The following GALNT13 variants were observed in gnomAD, a reference collection of about 807,000 sequenced individuals.
GALNT13 encodes UDP-GalNAc:polypeptide N-acetylgalactosaminyltransferase 13.
A neutral mutation model predicts 64.2 loss-of-function variants in GALNT13; 28 were observed. The ratio of observed to expected loss-of-function variants is 0.44; its 90% CI spans 0.32 to 0.60. GALNT13 has a LOEUF of 0.60. Ranked by LOEUF, GALNT13 falls within the 20% of genes least tolerant of loss-of-function variation. GALNT13 has a pLI of 0.05. For synonymous variants in GALNT13, 214 were observed against 224.6 expected, an observed-to-expected ratio of 0.95 and a Z score of 0.42; for missense variants, 577 against 669.8, an observed-to-expected ratio of 0.86 and a Z score of 1.53.
chr2:154,132,552 A>T (rs1682679436), intron 3 of GALNT13, among the ~76,000 whole-genome samples: 1 of 152,042 alleles, frequency 6.6e-6, no homozygotes. Flanking sequence ...TTATAATGGG[A>T]TCCATGCACA....
chr2:153,500,918 T>C, the GALNT13 span, among the ~76,000 whole-genome samples: 2 of 152,160 alleles, frequency 1.3e-5, no homozygotes, highest in African/African-American at 4.8e-5. Flanking sequence ...GGAACATATA[T>C]TAATATTATT....
the GALNT13 span, among the ~76,000 whole-genome samples, chr2:153,220,678 C>G: frequency 1.3e-5 from 2 of 152,228 alleles, no homozygotes; most frequent in African/African-American, 4.8e-5. Flanking sequence ...GTGTACTTTC[C>G]TTTCTTTCAT....
intron 9 of GALNT13, among the ~76,000 whole-genome samples, chr2:154,311,457 G>A (rs1694035970): frequency 6.6e-6 from 1 of 152,088 alleles, no homozygotes; most frequent in Non-Finnish European, 1.5e-5. Flanking sequence ...AGGGGAGGGA[G>A]TATACGAATA....
the GALNT13 span, among the ~76,000 whole-genome samples, chr2:153,410,692 T>A: frequency 6.6e-6 from 1 of 152,024 alleles, no homozygotes. Flanking sequence ...ATGTAAAAAA[T>A]GTAATAATAA....
chr2:153,478,099 C>G, the GALNT13 span: 69 of 670,198 alleles, frequency 1.0e-4, no homozygotes, highest in East Asian at 2.1e-4. Flanking sequence ...CCGGTCGCTT[C>G]TTTCCGAAAG....
intron 3 of GALNT13, among the ~76,000 whole-genome samples, chr2:153,967,128 T>C (rs192621802): frequency 2.7e-4 from 41 of 152,312 alleles, no homozygotes; most frequent in Admixed American, 1.2e-3. Context: ...TCTGAATTCC[T>C]TCTCTGTGTT....
chr2:153,258,009 A>G, the GALNT13 span, among the ~76,000 whole-genome samples: 2 of 152,144 alleles, frequency 1.3e-5, no homozygotes, highest in African/African-American at 4.8e-5. Context: ...CAGGAGCCCC[A>G]AATTATCTTG....
the GALNT13 span, among the ~76,000 whole-genome samples, chr2:153,708,374 G>A: frequency 6.6e-6 from 1 of 152,134 alleles, no homozygotes; most frequent in Non-Finnish European, 1.5e-5. Flanking sequence ...GTTTATGACA[G>A]GGTGTAAAAT....
the GALNT13 span, among the ~76,000 whole-genome samples, chr2:153,150,423 T>A: frequency 6.6e-6 from 1 of 152,114 alleles, no homozygotes; most frequent in Non-Finnish European, 1.5e-5. Context: ...TTCTGTAGGT[T>A]GCCTGTTCAC....
chr2:154,386,705 G>C (rs192569471), intron 9 of GALNT13, among the ~76,000 whole-genome samples: 18 of 152,174 alleles, frequency 1.2e-4, no homozygotes, highest in African/African-American at 4.1e-4. Context: ...ATAGCCTGCA[G>C]ACTGTTCAGT....
chr2:153,328,215 G>A, the GALNT13 span, among the ~76,000 whole-genome samples: 1 of 152,166 alleles, frequency 6.6e-6, no homozygotes, highest in African/African-American at 2.4e-5. Flanking sequence ...CCAGCCAGAG[G>A]TCTCCTTTAT....
the GALNT13 span, among the ~76,000 whole-genome samples, chr2:153,328,494 G>A: frequency 6.6e-6 from 1 of 152,196 alleles, no homozygotes; most frequent in Non-Finnish European, 1.5e-5. Context: ...TTTCAGAGAT[G>A]CCCTGCCCAG....
the GALNT13 span, among the ~76,000 whole-genome samples, chr2:153,495,870 T>C: frequency 1.3e-5 from 2 of 152,208 alleles, no homozygotes; most frequent in African/African-American, 4.8e-5. Context: ...AGTAATGACC[T>C]TCCATTGAGG....
At chr2:153,243,711 T>C in the GALNT13 span, among the ~76,000 whole-genome samples, 1 of 151,496 alleles carries the variant, frequency 6.6e-6, no homozygotes, top group Non-Finnish European at 1.5e-5. Context: ...TTGTGAAGGG[T>C]TGATCTTGCA....
chr2:154,046,464 A>G (rs1019529067), intron 3 of GALNT13, among the ~76,000 whole-genome samples: 3 of 152,196 alleles, frequency 2.0e-5, no homozygotes, highest in Non-Finnish European at 2.9e-5. Context: ...TCATGTAGCT[A>G]TCTTACAGAT....
At chr2:153,476,630 T>C in the GALNT13 span, among the ~76,000 whole-genome samples, 1 of 152,158 alleles carries the variant, frequency 6.6e-6, no homozygotes, top group Non-Finnish European at 1.5e-5. Context: ...GTAATACTCA[T>C]CTCCCACATT....
the GALNT13 span, among the ~76,000 whole-genome samples, chr2:153,716,108 T>C: frequency 2.0e-5 from 3 of 152,190 alleles, no homozygotes; most frequent in African/African-American, 7.2e-5. Context: ...TCCTTTGAGC[T>C]GATTATTTTC....
At chr2:154,441,576 G>T (rs192751033) in intron 12 of GALNT13, 1 of 152,210 alleles carries the variant, frequency 6.6e-6, no homozygotes, top group Admixed American at 6.6e-5. Flanking sequence ...GCAGAGCTAG[G>T]ATTCAGGTCC....
At chr2:153,411,737 A>G in the GALNT13 span, among the ~76,000 whole-genome samples, 14 of 152,252 alleles carry the variant, frequency 9.2e-5, no homozygotes, top group Middle Eastern at 0.01. Flanking sequence ...TGCATATTAG[A>G]ACATTAACTC....
Sources: allele counts gnomAD v4.1 joint callset (sites outside exome capture counted in the v4.1 genomes callset), GRCh38; gene constraint gnomAD v4.1.1; transcripts MANE v1.5; gene names NCBI Gene and HGNC (gene_info 2026-07-23, HGNC 2026-07-21).